Variants in CYP4X1 observed in about 807,000 individuals in gnomAD.
CYP4X1 encodes the protein cytochrome P450 family 4 subfamily X member 1.
In CYP4X1, 44 loss-of-function variants were observed where a neutral mutation model predicts 57.9. The ratio of observed to expected loss-of-function variants is 0.76; its 90% CI spans 0.60 to 0.98. The LOEUF (loss-of-function observed/expected upper bound fraction) is 0.98, where lower values mean the gene tolerates loss of function less well. Ranked by LOEUF, CYP4X1 falls within the 50% of genes least tolerant of loss-of-function variation. The probability of loss-of-function intolerance (pLI) is 0.00; values close to 1 mark genes in which losing one functional copy is unlikely to be tolerated. For synonymous variants in CYP4X1, 227 were observed against 228.6 expected (o/e 0.99, Z 0.06); for missense variants, 532 against 623.9 (o/e 0.85, Z 1.57).
the CYP4X1 span, among the ~76,000 whole-genome samples, chr1:46,970,979 T>C: frequency 6.6e-6 from 1 of 152,234 alleles, no homozygotes; most frequent in Non-Finnish European, 1.5e-5. Context: ...GTTTGTTAGA[T>C]AGGTAAATTG....
the CYP4X1 span, among the ~76,000 whole-genome samples, chr1:46,973,989 A>T: frequency 6.6e-6 from 1 of 150,904 alleles, no homozygotes; most frequent in Admixed American, 6.6e-5. Context: ...TTTGTTTTTC[A>T]AGTTTCTCTA....
upstream of CYP4X1, among the ~76,000 whole-genome samples, chr1:47,020,547 T>A (rs1643985020): frequency 6.6e-6 from 1 of 152,206 alleles, no homozygotes; most frequent in Non-Finnish European, 1.5e-5. Flanking sequence ...TAAGCGACCC[T>A]TGTCTCCCCA....
the CYP4X1 span, among the ~76,000 whole-genome samples, chr1:46,966,064 T>C: frequency 1.3e-5 from 2 of 152,260 alleles, no homozygotes; most frequent in African/African-American, 2.4e-5. Context: ...GCCGGCAGAC[T>C]GGAACAGCTG....
chr1:46,975,331 C>G, the CYP4X1 span, among the ~76,000 whole-genome samples: 2 of 152,236 alleles, frequency 1.3e-5, no homozygotes, highest in South Asian at 4.1e-4. Context: ...TTTAGCACCC[C>G]CCTGGGACCT....
At chr1:47,048,451 G>A (rs1046883516) in intron 9 of CYP4X1, 114 bp from the exon 10 acceptor site, 1 of 1,114,500 alleles carries the variant, frequency 9.0e-7, no homozygotes, top group African/African-American at 1.5e-5. Context: ...ACAGCAGGCA[G>A]AGCATTGCCA....
chr1:47,055,233 A>G (rs1399930195), downstream of CYP4X1, among the ~76,000 whole-genome samples: 1 of 152,040 alleles, frequency 6.6e-6, no homozygotes, highest in Admixed American at 6.6e-5. Context: ...ATTGATTTTC[A>G]TATGTTGAAC....
chr1:47,031,682 G>A (rs961017836), intron 3 of CYP4X1, among the ~76,000 whole-genome samples: 1 of 152,030 alleles, frequency 6.6e-6, no homozygotes, highest in Admixed American at 6.6e-5. Context: ...TTCTTCATCC[G>A]TTTCTCTCCC....
chr1:46,975,278 A>G, the CYP4X1 span, among the ~76,000 whole-genome samples: 1 of 152,048 alleles, frequency 6.6e-6, no homozygotes, highest in Non-Finnish European at 1.5e-5. Context: ...TATGTATTGA[A>G]GTGTGTTTCT....
At position 47,030,110 on chromosome 1, in the gene CYP4X1, A is replaced by C; in HGVS notation, c.298A>C (p.Lys100Gln). 6.2e-7 allele frequency: 1 copy of C among 1,614,040 alleles called. No homozygotes were observed. Reference sequence around the variant, plus strand: ...CTGTATCTATGACCCAGACTATGCAAAGACACTTCTGAGCAGAACAGGTAA... The same window carrying C: ...CTGTATCTATGACCCAGACTATGCACAGACACTTCTGAGCAGAACAGGTAA... ...FFCIYDPDYA[K>Q]TLLSRTDPKS... Residue 100 changes from lysine (K) to glutamine (Q), a missense_variant, in exon 2 of 12, where the codon AAG (lysine) becomes CAG (glutamine). By Grantham distance (53) the Lys-to-Gln change is moderately conservative. Coordinates refer to ENST00000371901, the MANE Select transcript of CYP4X1 (RefSeq NM_178033.2).
At chr1:46,992,993 A>G in the CYP4X1 span, among the ~76,000 whole-genome samples, 1 of 152,196 alleles carries the variant, frequency 6.6e-6, no homozygotes, top group African/African-American at 2.4e-5. Context: ...CAGGTTAGTT[A>G]CATATGCATA....
At position 47,049,390 on chromosome 1, in the gene CYP4X1, G is replaced by A. The variant is rs554689156; in HGVS notation, c.1273-32G>A. On this transcript the variant is annotated intron_variant, in intron 10 of 11. Transcript: ENST00000371901. Reference sequence around the variant, plus strand: ...GAAGAAATGTGTTCATGTTGTTTGGGGGATGGTGTTGGGGTTGTCCTCTCA... The same window carrying A: ...GAAGAAATGTGTTCATGTTGTTTGGAGGATGGTGTTGGGGTTGTCCTCTCA... 275 of 1,555,912 alleles carry A rather than the reference G, an allele frequency of 1.8e-4. 1 individual carries two copies. Among genetic ancestry groups the A allele is most frequent in the Non-Finnish European group, 2.3e-4 (260 of 1,127,344 alleles).
At chr1:47,032,938 A>G (rs1041552919) in intron 3 of CYP4X1, among the ~76,000 whole-genome samples, 1 of 152,208 alleles carries the variant, frequency 6.6e-6, no homozygotes, top group Admixed American at 6.5e-5. Flanking sequence ...TCACTTATTC[A>G]GTTACTACAT....
At chr1:47,004,504 A>T in the CYP4X1 span, among the ~76,000 whole-genome samples, 486 of 152,330 alleles carry the variant, frequency 3.2e-3, 1 homozygote, top group African/African-American at 0.011. Flanking sequence ...AGGCAACTGC[A>T]GATGTCTGGC....
At chr1:46,980,033 CA>C in the CYP4X1 span, among the ~76,000 whole-genome samples, 1 of 152,026 alleles carries the variant, frequency 6.6e-6, no homozygotes, top group African/African-American at 2.4e-5. Flanking sequence ...ACTGAATGGG[CA>C]AAACTGGAAG....
the CYP4X1 span, among the ~76,000 whole-genome samples, chr1:46,964,314 G>A: frequency 5.9e-5 from 9 of 152,276 alleles, 1 homozygote; most frequent in South Asian, 1.9e-3. Flanking sequence ...GAAGAGAGGC[G>A]CTCGATTTTT....
At chr1:46,990,264 G>T in the CYP4X1 span, among the ~76,000 whole-genome samples, 1 of 152,178 alleles carries the variant, frequency 6.6e-6, no homozygotes, top group African/African-American at 2.4e-5. Flanking sequence ...TTTGTCAAAA[G>T]AAGACATTTA....
At chr1:46,986,100 A>G in the CYP4X1 span, among the ~76,000 whole-genome samples, 1 of 152,202 alleles carries the variant, frequency 6.6e-6, no homozygotes, top group South Asian at 2.1e-4. Flanking sequence ...TTCTAACCCA[A>G]TGCAAGAAAG....
chr1:47,035,324 A>G (rs1012078122), intron 4 of CYP4X1, among the ~76,000 whole-genome samples: 1 of 151,990 alleles, frequency 6.6e-6, no homozygotes, highest in Non-Finnish European at 1.5e-5. Flanking sequence ...TCCTCTCCAC[A>G]CTTGCTCTGT....
downstream of CYP4X1, among the ~76,000 whole-genome samples, chr1:47,051,192 C>T (rs1264676094): frequency 1.3e-5 from 2 of 152,134 alleles, no homozygotes; most frequent in African/African-American, 4.8e-5. Context: ...TACCATCTCA[C>T]ACCAGTTAGA....
Sources: allele counts gnomAD v4.1 joint callset (sites outside exome capture counted in the v4.1 genomes callset), GRCh38; gene constraint gnomAD v4.1.1; transcripts MANE v1.5; gene names NCBI Gene and HGNC (gene_info 2026-07-23, HGNC 2026-07-21).